ARHGEF6: variants seen among roughly 807,000 people sequenced by gnomAD.
ARHGEF6 encodes Rac/Cdc42 guanine nucleotide exchange factor 6.
ARHGEF6 carries 9 observed loss-of-function variants against 70.3 expected under a neutral mutation model. The observed-to-expected ratio is 0.13, with a 90% CI of 0.08 to 0.22. The LOEUF (loss-of-function observed/expected upper bound fraction) is 0.22. Among genes scored for constraint, ARHGEF6 ranks in the 10% least tolerant of loss-of-function variants. The pLI is 1.00. For missense variants in ARHGEF6, 470 were observed against 563.0 expected, an observed-to-expected ratio of 0.83 and a Z score of 1.67; for synonymous variants, 201 against 207.8, an observed-to-expected ratio of 0.97 and a Z score of 0.28.
Position 136,739,357 on chromosome X carries a change from C to T in ARHGEF6, c.661+4228G>A, listed in dbSNP as rs2077019775. Among the ~76,000 whole-genome samples the T allele has an allele frequency of 3.6e-5, 4 of 112,060 alleles. No individual in the cohort carries two copies. In the South Asian group the frequency reaches 1.1e-3, roughly 31 times the overall value. ...CTACTTACTGTGTCCTGGCCTGTAACAGTTAGTTCTGCACAGACCTGTGTT... is the reference window on the plus strand; with the variant it reads ...CTACTTACTGTGTCCTGGCCTGTAATAGTTAGTTCTGCACAGACCTGTGTT... On this transcript the variant is annotated intron_variant, in intron 5 of 21. Coordinates refer to ENST00000250617, the MANE Select transcript of ARHGEF6 (RefSeq NM_004840.3).
Position 136,682,771 on chromosome X carries a change from C to T in ARHGEF6, c.1466G>A (p.Gly489Asp). The T allele has an allele frequency of 8.3e-7, 1 of 1,208,138 alleles. No individual in the cohort carries two copies. Among genetic ancestry groups the T allele is most frequent in the Non-Finnish European group, 1.1e-6 (1 of 892,484 alleles). The change falls in exon 13 of 22, where the codon GGC becomes GAC. Residue 489 changes from glycine to aspartate, a missense_variant. Transcript: ENST00000250617. ...IMLSASPRMS[G>D]FIYQGKIPIA... ...AAATTTACTAACCTGATAGATAAAG[C>T]CACTCATCCGAGGACTTGCAGATAA...
intron 5 of ARHGEF6, chrX:136,737,392 G>C: frequency 5.7e-6 from 1 of 174,524 alleles, no homozygotes; most frequent in Non-Finnish European, 9.1e-6. Flanking sequence ...ACTTGAACCT[G>C]GGAGGCAGAG....
chrX:136,676,725 G>A lies in ARHGEF6; in HGVS notation c.1852-8C>T, dbSNP rs2076284953. The A allele has an allele frequency of 1.7e-6, 2 of 1,150,145 alleles. No individual in the cohort carries two copies. The highest frequency in any genetic ancestry group is 2.4e-6 in the Non-Finnish European group (2 of 840,805). The allele number at this position is 1,150,145 out of a possible 1,213,427, so 94.8% of individuals were successfully genotyped here. On this transcript the variant is annotated splice_polypyrimidine_tract_variant and splice_region_variant and intron_variant, in intron 17 of 21. Coordinates refer to ENST00000250617, the MANE Select transcript of ARHGEF6 (RefSeq NM_004840.3). Reference sequence around the variant, plus strand: ...AGGGCTTTTACTAGACTCCTGTGAGGACAGAGGTTTCTTAATGAATTAAAA... The same window carrying A: ...AGGGCTTTTACTAGACTCCTGTGAGAACAGAGGTTTCTTAATGAATTAAAA...
chrX:136,736,618 G>GATGTGTGTATGTGTGTGTGTGTGT lies in ARHGEF6; in HGVS notation c.662-4447_662-4446insACACACACACACACATACACACAT, dbSNP rs58741198. 3.5e-4 allele frequency among the ~76,000 whole-genome samples: 36 copies of GATGTGTGTATGTGTGTGTGTGTGT among 103,706 alleles called. 1 individual carries two copies. Among genetic ancestry groups the GATGTGTGTATGTGTGTGTGTGTGT allele is most frequent in the African/African-American group, 1.3e-3 (36 of 28,377 alleles). 90.1% of individuals were successfully genotyped at this position (103,706 alleles called of 115,157 possible). A position where few individuals can be genotyped will look rare whatever the true frequency, so the allele number is the denominator to read the frequency against. ...CAGCCACAAGCTCATGTTAAAAAGA[G>GATGTGTGTATGTGTGTGTGTGTGT]GTGTGTGTGTGTGTGTGTGTGTGTG... On this transcript the variant is annotated intron_variant, in intron 5 of 21. Transcript: ENST00000250617.
At chrX:136,728,323 T>C (rs942197330) in intron 6 of ARHGEF6, among the ~76,000 whole-genome samples, 12 of 110,954 alleles carry the variant, frequency 1.1e-4, no homozygotes, top group African/African-American at 3.9e-4. Context: ...TAAACATGCC[T>C]AGTGGCAGGT....
At chrX:136,729,314 A>T in intron 6 of ARHGEF6, among the ~76,000 whole-genome samples, 1 of 105,316 alleles carries the variant, frequency 9.5e-6, no homozygotes, top group Non-Finnish European at 1.9e-5. Context: ...CTAAAAATAC[A>T]AAAATTAGCC....
At chrX:136,733,844 C>T (rs1011725960) in intron 5 of ARHGEF6, among the ~76,000 whole-genome samples, 5 of 111,812 alleles carry the variant, frequency 4.5e-5, no homozygotes, top group Non-Finnish European at 9.4e-5. Context: ...GTGTTCCTAA[C>T]CAATATGATA....
intron 2 of ARHGEF6, among the ~76,000 whole-genome samples, chrX:136,753,425 G>A (rs1228701448): frequency 9.0e-6 from 1 of 111,564 alleles, no homozygotes; most frequent in Non-Finnish European, 1.9e-5. Flanking sequence ...CATCTGGAAA[G>A]TGTCTTTGAG....
chrX:136,692,344 G>A (rs1157984561), intron 9 of ARHGEF6, among the ~76,000 whole-genome samples: 1 of 111,250 alleles, frequency 9.0e-6, no homozygotes, highest in East Asian at 2.8e-4. Flanking sequence ...CTCCCACCTC[G>A]GCCTCCCAAA....
At chrX:136,732,080 T>C in intron 6 of ARHGEF6, 22 bp downstream of exon 6, 1 of 1,173,444 alleles carries the variant, frequency 8.5e-7, no homozygotes, top group East Asian at 3.0e-5. Flanking sequence ...AGAAAATTTT[T>C]ATTCATCATC....
chrX:136,748,671 C>T (rs752740400), intron 2 of ARHGEF6, among the ~76,000 whole-genome samples: 9 of 111,579 alleles, frequency 8.1e-5, no homozygotes, highest in Non-Finnish European at 1.5e-4. Flanking sequence ...AAACAGATTG[C>T]ATCATTTTTT....
intron 16 of ARHGEF6, among the ~76,000 whole-genome samples, chrX:136,678,945 A>G (rs2076305596): frequency 1.8e-5 from 2 of 111,501 alleles, no homozygotes; most frequent in Admixed American, 1.9e-4. Flanking sequence ...CAACTTTGAG[A>G]GAAAAAAAAA....
At chrX:136,701,422 G>T (rs1408909804) in intron 9 of ARHGEF6, among the ~76,000 whole-genome samples, 3 of 111,703 alleles carry the variant, frequency 2.7e-5, no homozygotes, top group Non-Finnish European at 5.6e-5. Flanking sequence ...GATAAGAATT[G>T]TATCAGACTT....
intron 9 of ARHGEF6, among the ~76,000 whole-genome samples, chrX:136,701,621 A>T (rs187671078): frequency 0.01 from 1,138 of 111,470 alleles, 15 homozygotes; most frequent in African/African-American, 0.034. Flanking sequence ...ATATAGATTT[A>T]AAAACAACAA....
chrX:136,758,449 T>G (rs773871732), intron 2 of ARHGEF6, among the ~76,000 whole-genome samples: 1 of 110,855 alleles, frequency 9.0e-6, no homozygotes, highest in Non-Finnish European at 1.9e-5. Flanking sequence ...GAGATCACTT[T>G]GGAGAAAATC....
rs183253331 is a variant in ARHGEF6, at chrX:136,681,128, T to G, written c.1559-252A>C. On this transcript the variant is annotated intron_variant, in intron 14 of 21. Transcript: ENST00000250617. ...ACTGCTTACAGAAGCTTAAAAGTAG[T>G]GTAAAACTTCACCATAAACAAACTT... Among the ~76,000 whole-genome samples the G allele has an allele frequency of 2.2e-4, 25 of 112,610 alleles. No homozygotes were observed. In the East Asian group the frequency reaches 6.6e-3, roughly 30 times the overall value.
intron 6 of ARHGEF6, among the ~76,000 whole-genome samples, chrX:136,718,219 T>C: frequency 8.9e-6 from 1 of 111,863 alleles, no homozygotes; most frequent in East Asian, 2.8e-4. Context: ...AGTGGCTATG[T>C]TAATTTTAGA....
rs1043722848 is a variant in ARHGEF6 at position 136,743,517 on chromosome X, A to G, written c.661+68T>C. 8.7e-5 allele frequency: 95 copies of G among 1,096,280 alleles called. No individual in the cohort carries two copies. The African/African-American group carries it at 1.7e-3, about 20-fold the overall frequency. The allele number at this position is 1,096,280 out of a possible 1,213,427, so 90.3% of individuals were successfully genotyped here. On this transcript the variant is annotated intron_variant, in intron 5 of 21. Transcript: ENST00000250617. ...TCTGTTAACCAATTAAAACTACACA[A>G]TTTTCAGTAAGAATACCAAGAAAGT...
At chrX:136,728,332 G>A (rs1177007905) in intron 6 of ARHGEF6, among the ~76,000 whole-genome samples, 1 of 110,935 alleles carries the variant, frequency 9.0e-6, no homozygotes, top group African/African-American at 3.3e-5. Flanking sequence ...CTAGTGGCAG[G>A]TGCGGGTCTG....
Sources: gnomAD v4.1 joint callset for allele counts (sites outside exome capture counted in the v4.1 genomes callset) on GRCh38, gnomAD v4.1.1 for gene constraint, MANE v1.5 for transcripts, NCBI Gene and HGNC (gene_info 2026-07-23, HGNC 2026-07-21) for gene names.